Variants in WDR27 observed in about 807,000 individuals in gnomAD.
WDR27 encodes WD repeat domain 27.
A neutral mutation model predicts 114.4 loss-of-function variants in WDR27; 100 were observed. That is an observed-to-expected ratio of 0.87 (90% CI 0.74 to 1.03). The LOEUF (loss-of-function observed/expected upper bound fraction) is 1.03. WDR27 is among the 50% of genes least tolerant of loss of function. The pLI is 0.00. For missense variants in WDR27, 1,129 were observed against 1,092.9 expected, an observed-to-expected ratio of 1.03 and a Z score of -0.47; for synonymous variants, 449 against 423.1, an observed-to-expected ratio of 1.06 and a Z score of -0.75.
intron 21 of WDR27, among the ~76,000 whole-genome samples, chr6:169,624,083 T>C (rs7768522): frequency 0.2 from 30,030 of 151,066 alleles, 4,743 homozygotes; most frequent in East Asian, 0.7. Context: ...AGGTGTGCCG[T>C]GTGCAGCATG....
At chr6:169,515,499 T>C (rs761408590) in intron 25 of WDR27, among the ~76,000 whole-genome samples, 1 of 152,226 alleles carries the variant, frequency 6.6e-6, no homozygotes, top group Non-Finnish European at 1.5e-5. Flanking sequence ...CTGTTTTGTA[T>C]GAATTTCATA....
intron 22 of WDR27, among the ~76,000 whole-genome samples, chr6:169,610,172 A>G (rs1293308109): frequency 6.6e-6 from 1 of 152,150 alleles, no homozygotes; most frequent in Non-Finnish European, 1.5e-5. Flanking sequence ...CTATCCTCTG[A>G]GCCCTCCAAA....
chr6:169,574,547 C>A (rs745345762), intron 24 of WDR27, among the ~76,000 whole-genome samples: 2 of 152,174 alleles, frequency 1.3e-5, no homozygotes, highest in Admixed American at 1.3e-4. Flanking sequence ...GTGACACACT[C>A]GAAAGCAGGG....
At chr6:169,560,313 T>C (rs1287914846) in intron 25 of WDR27, among the ~76,000 whole-genome samples, 9 of 152,188 alleles carry the variant, frequency 5.9e-5, no homozygotes, top group African/African-American at 1.7e-4. Flanking sequence ...CTGGGAGGCC[T>C]CCCCAGCCAT....
intron 13 of WDR27, among the ~76,000 whole-genome samples, chr6:169,656,520 A>G (rs139044828): frequency 6.6e-5 from 10 of 152,048 alleles, no homozygotes; most frequent in African/African-American, 2.4e-4. Context: ...GGTGGGGGGA[A>G]AGCATGTGAG....
At chr6:169,643,556 A>G (rs1017913071) in intron 17 of WDR27, 141 bp downstream of exon 17, 70 of 632,162 alleles carry the variant, frequency 1.1e-4, no homozygotes, top group Non-Finnish European at 1.9e-5. Flanking sequence ...CAGTAAATCT[A>G]GTTTAGACTC....
rs1220748162 is a variant in WDR27 at position 169,580,933 on chromosome 6, TTATA to T, written c.2523+1899_2523+1902del. 4.6e-3 allele frequency among the ~76,000 whole-genome samples: 247 copies of T among 53,638 alleles called. 4 individuals are homozygous for T. Among genetic ancestry groups the T allele is most frequent in the Non-Finnish European group, 7.4e-3 (172 of 23,380 alleles). 35.2% of individuals were successfully genotyped at this position (53,638 alleles called of 152,430 possible). ...TTAAAAATAAGGAACTTAGTGAATT[TTATA>T]TATATATATATATATACATATATAT... On this transcript the variant is annotated intron_variant, in intron 24 of 25. Transcript: ENST00000448612.
chr6:169,613,528 C>G, intron 22 of WDR27, 31 bp downstream of exon 22: 1 of 1,568,326 alleles, frequency 6.4e-7, no homozygotes, highest in South Asian at 1.1e-5. Flanking sequence ...AGCTCCCCAC[C>G]CCTGCAGTGC....
At chr6:169,612,154 G>A (rs1810691114) in intron 22 of WDR27, among the ~76,000 whole-genome samples, 1 of 150,542 alleles carries the variant, frequency 6.6e-6, no homozygotes, top group African/African-American at 2.4e-5. Flanking sequence ...CAAACAGGCT[G>A]GGCACGGTGG....
At chr6:169,602,676 T>C (rs896099003) in intron 22 of WDR27, among the ~76,000 whole-genome samples, 4 of 152,114 alleles carry the variant, frequency 2.6e-5, no homozygotes, top group Non-Finnish European at 5.9e-5. Flanking sequence ...TTCAGAGACT[T>C]TTTGGAGGCA....
intron 25 of WDR27, among the ~76,000 whole-genome samples, chr6:169,572,088 A>G (rs1801518489): frequency 6.6e-6 from 1 of 152,168 alleles, no homozygotes; most frequent in South Asian, 2.1e-4. Context: ...GAAAAAGAAA[A>G]CAAAACACAA....
At chr6:169,651,384 T>C (rs1490359811) in intron 14 of WDR27, among the ~76,000 whole-genome samples, 1 of 152,058 alleles carries the variant, frequency 6.6e-6, no homozygotes, top group Admixed American at 6.5e-5. Context: ...CTGCATTTTC[T>C]TCAGAAAAGT....
chr6:169,526,557 G>A (rs1583981484), intron 25 of WDR27, among the ~76,000 whole-genome samples: 1 of 152,180 alleles, frequency 6.6e-6, no homozygotes, highest in Admixed American at 6.5e-5. Context: ...AGGTTGCAGT[G>A]AGCAGAGACT....
At chr6:169,652,606 A>C (rs553626568) in intron 13 of WDR27, among the ~76,000 whole-genome samples, 1 of 152,332 alleles carries the variant, frequency 6.6e-6, no homozygotes, top group Admixed American at 6.5e-5. Context: ...CATCACGTGA[A>C]CTTACCACAA....
At chr6:169,697,928 C>T (rs1328160944) in intron 1 of WDR27, among the ~76,000 whole-genome samples, 1 of 152,190 alleles carries the variant, frequency 6.6e-6, no homozygotes, top group Non-Finnish European at 1.5e-5. Context: ...TTTCTACACT[C>T]GTCCCCGCGC....
intron 1 of WDR27, among the ~76,000 whole-genome samples, chr6:169,695,733 G>A (rs1785743946): frequency 2.0e-5 from 3 of 152,200 alleles, no homozygotes; most frequent in Admixed American, 6.5e-5. Flanking sequence ...AGGCTACACA[G>A]CCAAGGGAAT....
chr6:169,597,877 TACACACACACAC>T (rs67336814), intron 23 of WDR27, among the ~76,000 whole-genome samples: 95 of 142,288 alleles, frequency 6.7e-4, no homozygotes, highest in South Asian at 1.2e-3. Flanking sequence ...TTACCATTCA[TACACACACACAC>T]ACACACACAC....
chr6:169,577,562 C>T (rs1802608753), intron 24 of WDR27, among the ~76,000 whole-genome samples: 1 of 152,144 alleles, frequency 6.6e-6, no homozygotes, highest in African/African-American at 2.4e-5. Context: ...GAGACGAACT[C>T]GGCCCCGAAG....
intron 24 of WDR27, among the ~76,000 whole-genome samples, chr6:169,579,702 T>C (rs1395387155): frequency 6.6e-6 from 1 of 152,196 alleles, no homozygotes; most frequent in Admixed American, 6.5e-5. Context: ...AGAAAGCTCA[T>C]GAATAGCCCA....
Sources: gnomAD v4.1 joint callset for allele counts (sites outside exome capture counted in the v4.1 genomes callset) on GRCh38, gnomAD v4.1.1 for gene constraint, MANE v1.5 for transcripts, NCBI Gene and HGNC (gene_info 2026-07-23, HGNC 2026-07-21) for gene names.